Variants in TMEM209 observed in about 807,000 individuals in gnomAD.
The protein encoded by TMEM209 is transmembrane protein 209, also known as testicular tissue protein Li 202.
In TMEM209, 65 loss-of-function variants were observed where a neutral mutation model predicts 76.2. That is an observed-to-expected ratio of 0.85 (90% CI 0.70 to 1.05). The LOEUF (loss-of-function observed/expected upper bound fraction) is 1.05. TMEM209 is among the 50% of genes least tolerant of loss of function. The pLI, the probability that TMEM209 is intolerant of heterozygous loss-of-function variation, is 0.00. For missense variants in TMEM209, 623 were observed against 685.5 expected, an observed-to-expected ratio of 0.91 and a Z score of 1.02; for synonymous variants, 239 against 237.6, an observed-to-expected ratio of 1.01 and a Z score of -0.06.
At chr7:130,172,599 C>T (rs1797106112) in intron 13 of TMEM209, among the ~76,000 whole-genome samples, 1 of 152,040 alleles carries the variant, frequency 6.6e-6, no homozygotes, top group Non-Finnish European at 1.5e-5. Context: ...CTGCCTCTAC[C>T]TTTTCAGTAG....
chr7:130,202,473 C>A, intron 4 of TMEM209, 59 bp downstream of exon 4: 3 of 1,546,748 alleles, frequency 1.9e-6, no homozygotes, highest in Non-Finnish European at 2.6e-6. Context: ...GAAAATTAAA[C>A]TGAGAAAGAT....
intron 6 of TMEM209, among the ~76,000 whole-genome samples, chr7:130,186,509 T>TTGTTG (rs1797602198): frequency 6.6e-6 from 1 of 152,160 alleles, no homozygotes. Flanking sequence ...CATAAATGAT[T>TTGTTG]TAATAAATAG....
chr7:130,187,800 AC>A (rs1797651565), intron 6 of TMEM209, among the ~76,000 whole-genome samples: 1 of 152,184 alleles, frequency 6.6e-6, no homozygotes, highest in South Asian at 2.1e-4. Context: ...AGTCAATAAT[AC>A]TCCTAAGGCA....
chr7:130,194,772 T>C (rs1797915500), intron 5 of TMEM209, among the ~76,000 whole-genome samples: 2 of 152,308 alleles, frequency 1.3e-5, no homozygotes, highest in African/African-American at 4.8e-5. Context: ...AAAATACAAT[T>C]ACTGGTCACT....
In TMEM209 at chr7:130,173,861, TAA is replaced by T; in HGVS notation, c.1421_1422del (p.Phe474TyrfsTer11). ...PHPKYPDGKT[F>X]TSQHFVQTPN... ...GGTGTCTGAACAAAGTGCTGAGAAG[TAA>T]AAGTTTTTCCGTCGGGATACTTCGG... On this transcript the variant is annotated frameshift_variant, in exon 12 of 15. Transcript: ENST00000397622. LOFTEE classifies it high-confidence loss of function. The T allele has an allele frequency of 1.9e-6, 3 of 1,613,920 alleles. No individual in the cohort carries two copies. Among genetic ancestry groups the T allele is most frequent in the South Asian group, 1.1e-5 (1 of 91,086 alleles).
chr7:130,190,825 G>A (rs763357942), intron 6 of TMEM209, among the ~76,000 whole-genome samples: 2 of 151,530 alleles, frequency 1.3e-5, no homozygotes, highest in African/African-American at 4.8e-5. Context: ...GGCAAAACCC[G>A]GTCTCTACTA....
intron 5 of TMEM209, among the ~76,000 whole-genome samples, chr7:130,201,647 T>C (rs1280715615): frequency 6.6e-6 from 1 of 152,268 alleles, no homozygotes; most frequent in Non-Finnish European, 1.5e-5. Context: ...CTAAGTTTGT[T>C]ATCTCTGTAA....
At chr7:130,181,890 C>A (rs1797433091) in intron 8 of TMEM209, 171 bp from the exon 9 acceptor site, 2 of 519,574 alleles carry the variant, frequency 3.8e-6, no homozygotes, top group East Asian at 3.3e-5. Context: ...TACCCGAAAT[C>A]AAGAGATGGT....
Position 130,203,680 on chromosome 7 carries a change from C to A in TMEM209, c.199+108G>T. On this transcript the variant is annotated intron_variant, in intron 3 of 14. Transcript: ENST00000397622. ...TGTATTCCCAGTTTTTACAACCCAG[C>A]AGGCAGTCAAATACTTGTTGAATAA... 3 of 933,338 alleles carry A rather than the reference C, an allele frequency of 3.2e-6. No homozygotes were observed. In the Admixed American group the frequency reaches 8.0e-5, roughly 25 times the overall value. The allele number at this position is 933,338 out of a possible 1,614,324, so 57.8% of individuals were successfully genotyped here. A position where few individuals can be genotyped will look rare whatever the true frequency, so the allele number is the denominator to read the frequency against.
chr7:130,170,319 T>C (rs771003612), intron 14 of TMEM209, 81 bp downstream of exon 14: 1 of 1,175,102 alleles, frequency 8.5e-7, no homozygotes. Flanking sequence ...TTCAGTTACA[T>C]GCTGCTGCCT....
intron 5 of TMEM209, among the ~76,000 whole-genome samples, chr7:130,194,338 CAA>C (rs35357525): frequency 6.5e-5 from 9 of 139,416 alleles, no homozygotes; most frequent in Admixed American, 1.4e-4. Flanking sequence ...TAAAGTCCAT[CAA>C]AAAAAAAAAA....
chr7:130,183,624 G>A (rs901517605), intron 8 of TMEM209, among the ~76,000 whole-genome samples: 6 of 152,200 alleles, frequency 3.9e-5, no homozygotes, highest in Non-Finnish European at 7.3e-5. Flanking sequence ...AAGTCCATAT[G>A]CCTAACAGAA....
intron 6 of TMEM209, among the ~76,000 whole-genome samples, chr7:130,190,829 T>C (rs1365278671): frequency 1.3e-5 from 2 of 152,012 alleles, no homozygotes; most frequent in African/African-American, 2.4e-5. Flanking sequence ...AAACCCGGTC[T>C]CTACTAAAAA....
chr7:130,203,967 C>T lies in TMEM209; in HGVS notation c.140+7G>A, dbSNP rs776357003. The T allele has an allele frequency of 5.0e-6, 8 of 1,611,020 alleles. No homozygotes were observed. The highest frequency in any genetic ancestry group is 6.8e-6 in the Non-Finnish European group (8 of 1,179,138). On this transcript the variant is annotated splice_region_variant and intron_variant, in intron 2 of 14. Transcript: ENST00000397622. ...AAGTTTCACTTTTTTTGGACTGATT[C>T]ACTTACATTTCAGTATATATCATTC... is the stretch of plus-strand genomic sequence containing the variant.
At chr7:130,178,697 C>T (rs1378435896) in intron 9 of TMEM209, among the ~76,000 whole-genome samples, 170 bp from the exon 10 acceptor site, 5 of 152,174 alleles carry the variant, frequency 3.3e-5, no homozygotes, top group Admixed American at 3.3e-4. Context: ...CACCCCTCCT[C>T]TCTAAACATT....
intron 5 of TMEM209, among the ~76,000 whole-genome samples, chr7:130,195,002 G>C (rs1584691527): frequency 6.6e-6 from 1 of 151,802 alleles, no homozygotes; most frequent in Admixed American, 6.6e-5. Flanking sequence ...CACTATATCT[G>C]GGCTATTATT....
intron 9 of TMEM209, among the ~76,000 whole-genome samples, chr7:130,180,435 C>T (rs983352443): frequency 3.3e-5 from 5 of 152,044 alleles, no homozygotes; most frequent in African/African-American, 1.2e-4. Context: ...CCCAGACGAT[C>T]TCGGCTCACT....
intron 1 of TMEM209, 42 bp downstream of exon 1, chr7:130,205,331 G>A: frequency 6.2e-7 from 1 of 1,613,886 alleles, no homozygotes; most frequent in Non-Finnish European, 8.5e-7. Context: ...AACCCGCGTA[G>A]ATTCCAAGAC....
intron 7 of TMEM209, among the ~76,000 whole-genome samples, chr7:130,184,931 CTT>C (rs1208902180): frequency 2.0e-5 from 3 of 152,170 alleles, no homozygotes; most frequent in Non-Finnish European, 4.4e-5. Context: ...ACCTGAGAGC[CTT>C]TTTATAATCA....
Sources: allele counts gnomAD v4.1 joint callset (sites outside exome capture counted in the v4.1 genomes callset), GRCh38; gene constraint gnomAD v4.1.1; transcripts MANE v1.5; gene names NCBI Gene and HGNC (gene_info 2026-07-23, HGNC 2026-07-21).